Variants in CRMP1 observed in about 807,000 individuals in gnomAD.
CRMP1 encodes the protein dihydropyrimidinase-related protein 1.
In CRMP1, 19 loss-of-function variants were observed where a neutral mutation model predicts 68.3. The observed-to-expected ratio is 0.28, with a 90% confidence interval of 0.19 to 0.41. The LOEUF (loss-of-function observed/expected upper bound fraction) is 0.41. Among genes scored for constraint, CRMP1 ranks in the 10% least tolerant of loss-of-function variants. CRMP1 has a pLI of 1.00. For synonymous variants in CRMP1, 439 were observed against 399.6 expected (o/e 1.10, Z -1.18); for missense variants, 791 against 967.4 (o/e 0.82, Z 2.42).
In CRMP1 at chr4:5,843,916, A is replaced by G. The variant is rs969359567; in HGVS notation, c.964-755T>C. Among the ~76,000 whole-genome samples the G allele has an allele frequency of 6.6e-6, 1 of 152,074 alleles. No individual in the cohort carries two copies. On this transcript the variant is annotated intron_variant, in intron 6 of 13. Transcript: ENST00000324989. This position sits in a 1 kb window ranked among gnomAD's most constrained non-coding sequence, Gnocchi z 4.1. ...GGGCTGATGGCCTAGATTCAAATCC[A>G]TCTGGTCCAAAGTTTCTTTGTCCCA...
chr4:5,835,791 G>C (rs947126766), intron 11 of CRMP1, 124 bp downstream of exon 11: 1 of 1,144,198 alleles, frequency 8.7e-7, no homozygotes, highest in Non-Finnish European at 1.2e-6. Context: ...GGGAATGACT[G>C]AGTCAGGCTA....
rs1714909210 is a variant in CRMP1 at position 5,877,301 on chromosome 4, A to G, written c.382-10545T>C. Among the ~76,000 whole-genome samples, 1 of 152,228 alleles carries G rather than the reference A, an allele frequency of 6.6e-6. No homozygotes were observed. Among genetic ancestry groups the G allele is most frequent in the Non-Finnish European group, 1.5e-5 (1 of 68,040 alleles). Reference sequence around the variant, plus strand: ...TTTGTTAGGCAGCATCATCGCATCAAAGCAAATTAATACATCGTAAAGGTT... The same window carrying G: ...TTTGTTAGGCAGCATCATCGCATCAGAGCAAATTAATACATCGTAAAGGTT... On this transcript the variant is annotated intron_variant, in intron 1 of 13. Coordinates refer to ENST00000324989, the MANE Select transcript of CRMP1 (RefSeq NM_001014809.3). The surrounding 1 kb of genome is among the most constrained non-coding windows in gnomAD (Gnocchi z 4.3).
chr4:5,834,961 A>G lies in CRMP1; in HGVS notation c.1623+954T>C, dbSNP rs1720636017. Reference sequence around the variant, plus strand: ...GGCAGCCAATGGATACTCCAGGGCCATGGCCGTGAGCTGCTACAAGTGTTT... The same window carrying G: ...GGCAGCCAATGGATACTCCAGGGCCGTGGCCGTGAGCTGCTACAAGTGTTT... On this transcript the variant is annotated intron_variant, in intron 11 of 13. Coordinates refer to ENST00000324989, the MANE Select transcript of CRMP1 (RefSeq NM_001014809.3). This position sits in a 1 kb window ranked among gnomAD's most constrained non-coding sequence, Gnocchi z 4.3. Among the ~76,000 whole-genome samples, 1 of 152,162 alleles carries G rather than the reference A, an allele frequency of 6.6e-6. No homozygotes were observed. The highest frequency in any genetic ancestry group is 6.5e-5 in the Admixed American group (1 of 15,276).
chr4:5,882,416 T>C (rs962209358), intron 1 of CRMP1, among the ~76,000 whole-genome samples: 3 of 152,166 alleles, frequency 2.0e-5, no homozygotes, highest in Non-Finnish European at 4.4e-5. Flanking sequence ...TAAGTGTATA[T>C]TGTTGACACC....
intron 9 of CRMP1, among the ~76,000 whole-genome samples, chr4:5,837,589 T>C (rs1404006031): frequency 6.8e-6 from 1 of 148,004 alleles, no homozygotes; most frequent in Non-Finnish European, 1.5e-5. Flanking sequence ...GATTGCACCA[T>C]TGCACTCCAG....
chr4:5,836,459 C>A (rs916771674), intron 10 of CRMP1, among the ~76,000 whole-genome samples: 3 of 152,220 alleles, frequency 2.0e-5, no homozygotes, highest in Non-Finnish European at 4.4e-5. Flanking sequence ...CACGTGTGCA[C>A]ATGCACACAC....
In CRMP1 at chr4:5,848,738, A is replaced by G. The variant is rs144496922; in HGVS notation, c.963+654T>C. On this transcript the variant is annotated intron_variant, in intron 6 of 13. Coordinates refer to ENST00000324989, the MANE Select transcript of CRMP1 (RefSeq NM_001014809.3). ...CTGGGAAATCTAATAACAAGGTGCC[A>G]GCATCTGGTGAGGGCCTTCTTGCTG... Among the ~76,000 whole-genome samples, 951 of 152,312 alleles carry G rather than the reference A, an allele frequency of 6.2e-3. 9 individuals carry two copies. The highest frequency in any genetic ancestry group is 0.022 in the African/African-American group (912 of 41,564).
intron 1 of CRMP1, among the ~76,000 whole-genome samples, chr4:5,867,636 G>C (rs986028459): frequency 3.9e-5 from 6 of 152,132 alleles, no homozygotes; most frequent in Non-Finnish European, 4.4e-5. Context: ...ACCAGGCACA[G>C]AGCTGGAATC....
At chr4:5,827,160 G>C (rs758263233) in intron 12 of CRMP1, among the ~76,000 whole-genome samples, 3 of 152,216 alleles carry the variant, frequency 2.0e-5, no homozygotes, top group Non-Finnish European at 4.4e-5. Flanking sequence ...CTTGGCATTT[G>C]GGGTCAGATA....
intron 13 of CRMP1, among the ~76,000 whole-genome samples, chr4:5,822,127 T>A (rs1392876303): frequency 1.3e-5 from 2 of 152,250 alleles, no homozygotes; most frequent in Non-Finnish European, 2.9e-5. Context: ...CTGAGACAGG[T>A]GATCAAACAC....
intron 4 of CRMP1, 88 bp downstream of exon 4, chr4:5,856,055 G>A: frequency 6.7e-7 from 1 of 1,496,966 alleles, no homozygotes; most frequent in Non-Finnish European, 9.1e-7. Flanking sequence ...AACAGATGCA[G>A]ACAGGGGGAT....
intron 8 of CRMP1, among the ~76,000 whole-genome samples, chr4:5,839,940 G>A (rs905262836): frequency 2.0e-5 from 3 of 152,224 alleles, no homozygotes; most frequent in Admixed American, 6.5e-5. Flanking sequence ...GGATATGGCT[G>A]TTGCTTTTAC....
chr4:5,824,815 G>C (rs1487918005), intron 13 of CRMP1: 9 of 985,230 alleles, frequency 9.1e-6, no homozygotes. Flanking sequence ...CAAAATTCCA[G>C]TTCAACTTTC....
chr4:5,867,867 T>C (rs1714107966), intron 1 of CRMP1, among the ~76,000 whole-genome samples: 1 of 151,974 alleles, frequency 6.6e-6, no homozygotes, highest in Non-Finnish European at 1.5e-5. Context: ...TGACTATAGA[T>C]AGATAAATGG....
Position 5,842,909 on chromosome 4 carries a change from C to T in CRMP1, c.1032+184G>A, listed in dbSNP as rs561127455. ...TCCAGGACCCTGGGAGAGGCAGCAC[C>T]TCTTCCTGTCTTCTCCAGCCAGCAG... On this transcript the variant is annotated intron_variant, in intron 7 of 13. Transcript: ENST00000324989. The surrounding 1 kb of genome is among the most constrained non-coding windows in gnomAD (Gnocchi z 4.5). Among the ~76,000 whole-genome samples, 5 of 152,306 alleles carry T rather than the reference C, an allele frequency of 3.3e-5. No homozygotes were observed. Among genetic ancestry groups the T allele is most frequent in the African/African-American group, 9.6e-5 (4 of 41,564 alleles).
At position 5,865,519 on chromosome 4, in the gene CRMP1, G is replaced by A. The variant is rs887503553; in HGVS notation, c.470+1149C>T. On this transcript the variant is annotated intron_variant, in intron 2 of 13. Coordinates refer to ENST00000324989, the MANE Select transcript of CRMP1 (RefSeq NM_001014809.3). This position sits in a 1 kb window ranked among gnomAD's most constrained non-coding sequence, Gnocchi z 4.1. ...GCCTGTAGTCCTAGCTACTCGGGAG[G>A]CTGAGGCAGGGGAGTCGATTGAACC... 2.0e-5 allele frequency among the ~76,000 whole-genome samples: 3 copies of A among 151,802 alleles called. No individual in the cohort carries two copies. Among genetic ancestry groups the A allele is most frequent in the Non-Finnish European group, 2.9e-5 (2 of 67,976 alleles).
chr4:5,873,185 G>A (rs1312178244), intron 1 of CRMP1, among the ~76,000 whole-genome samples: 1 of 152,210 alleles, frequency 6.6e-6, no homozygotes, highest in Non-Finnish European at 1.5e-5. Flanking sequence ...TGCTGCCAGT[G>A]TGGGAAATGC....
chr4:5,891,338 G>A lies in CRMP1; in HGVS notation c.381+1251C>T, dbSNP rs1715942932. The stretch of plus-strand genomic sequence containing the variant: ...CCACCACCGTGTTTACCAGTTCCCT[G>A]CTCCTATTCCTCCAGGAAGCCCTCC... On this transcript the variant is annotated intron_variant, in intron 1 of 13. Transcript: ENST00000324989. This position sits in a 1 kb window ranked among gnomAD's most constrained non-coding sequence, Gnocchi z 5.2. 6.6e-6 allele frequency among the ~76,000 whole-genome samples: 1 copy of A among 152,046 alleles called. No homozygotes were observed. The highest frequency in any genetic ancestry group is 2.4e-5 in the African/African-American group (1 of 41,386).
intron 1 of CRMP1, among the ~76,000 whole-genome samples, chr4:5,884,393 C>A (rs3774890): frequency 0.39 from 58,590 of 151,090 alleles, 14,097 homozygotes; most frequent in East Asian, 0.73. Context: ...ACACACACAC[C>A]CCCACACCCA....
Sources: allele counts gnomAD v4.1 joint callset (sites outside exome capture counted in the v4.1 genomes callset), GRCh38; gene constraint gnomAD v4.1.1; non-coding constraint Gnocchi (gnomAD v3.1); transcripts MANE v1.5; gene names NCBI Gene and HGNC (gene_info 2026-07-23, HGNC 2026-07-21).